Variants in CTNND2 observed in about 807,000 individuals in gnomAD.
The protein encoded by CTNND2 is catenin delta-2.
A neutral mutation model predicts 144.4 loss-of-function variants in CTNND2; 22 were observed. That is an observed-to-expected ratio of 0.15 (90% confidence interval 0.11 to 0.22). The LOEUF (loss-of-function observed/expected upper bound fraction) is 0.22. CTNND2 is among the 10% of genes least tolerant of loss of function. The pLI, the probability that CTNND2 is intolerant of heterozygous loss-of-function variation, is 1.00. For synonymous variants in CTNND2, 751 were observed against 695.6 expected, an observed-to-expected ratio of 1.08 and a Z score of -1.25; for missense variants, 1,353 against 1,618.8, an observed-to-expected ratio of 0.84 and a Z score of 2.82.
intron 3 of CTNND2, among the ~76,000 whole-genome samples, chr5:11,497,519 T>TGGGGGGGGGGGGGGGGGGG (rs1234235644): frequency 7.3e-5 from 1 of 13,746 alleles, no homozygotes. Flanking sequence ...TGCGGGGGGG[T>TGGGGGGGGGGGGGGGGGGG]GGGGGGGGGC....
intron 16 of CTNND2, among the ~76,000 whole-genome samples, chr5:11,074,426 A>C (rs186087949): frequency 7.9e-5 from 12 of 152,302 alleles, no homozygotes; most frequent in Non-Finnish European, 1.6e-4. Context: ...ATTTAGACGG[A>C]CTTTGAGGAA....
chr5:11,655,775 T>C (rs759340848), intron 2 of CTNND2, among the ~76,000 whole-genome samples: 4 of 152,136 alleles, frequency 2.6e-5, no homozygotes, highest in Non-Finnish European at 5.9e-5. Flanking sequence ...CTTTCATACA[T>C]TTCATGTATG....
intron 12 of CTNND2, among the ~76,000 whole-genome samples, chr5:11,144,214 T>C (rs1461167851): frequency 2.0e-5 from 3 of 152,246 alleles, no homozygotes; most frequent in African/African-American, 7.2e-5. Flanking sequence ...TTGTCACCAG[T>C]AAACAGACTA....
intron 2 of CTNND2, among the ~76,000 whole-genome samples, chr5:11,670,422 T>C (rs1783820446): frequency 6.6e-6 from 1 of 152,216 alleles, no homozygotes; most frequent in South Asian, 2.1e-4. Context: ...GCTTTATTAA[T>C]CTGGGTGCTC....
At chr5:11,166,249 CTT>C (rs11400471) in intron 11 of CTNND2, among the ~76,000 whole-genome samples, 21 of 125,802 alleles carry the variant, frequency 1.7e-4, no homozygotes, top group Admixed American at 3.2e-4. Context: ...CAAAAAAGTT[CTT>C]TTTTTTTTTT....
At chr5:11,038,641 C>T (rs1019902555) in intron 16 of CTNND2, among the ~76,000 whole-genome samples, 29 of 152,142 alleles carry the variant, frequency 1.9e-4, no homozygotes, top group Non-Finnish European at 1.0e-4. Context: ...GATGTGAAAC[C>T]TGGAAGAGGT....
intron 9 of CTNND2, among the ~76,000 whole-genome samples, chr5:11,257,595 G>A (rs1442099956): frequency 6.6e-6 from 1 of 152,138 alleles, no homozygotes; most frequent in Admixed American, 6.5e-5. Context: ...CATTATCAAT[G>A]AGAACAGCAT....
intron 11 of CTNND2, among the ~76,000 whole-genome samples, chr5:11,175,805 T>C (rs1186492216): frequency 2.6e-5 from 4 of 152,124 alleles, no homozygotes; most frequent in Non-Finnish European, 4.4e-5. Flanking sequence ...CTGAGGTATA[T>C]TGCCAAAATG....
intron 2 of CTNND2, among the ~76,000 whole-genome samples, chr5:11,571,042 C>T (rs769032313): frequency 3.3e-5 from 5 of 151,986 alleles, no homozygotes; most frequent in Non-Finnish European, 7.4e-5. Context: ...TTTAATTTCT[C>T]GGAGCTAGTT....
intron 1 of CTNND2, among the ~76,000 whole-genome samples, chr5:11,854,859 T>C (rs952576000): frequency 6.6e-6 from 1 of 152,208 alleles, no homozygotes; most frequent in African/African-American, 2.4e-5. Flanking sequence ...TGTTGTTGTT[T>C]TGGTTTTTAA....
intron 16 of CTNND2, among the ~76,000 whole-genome samples, chr5:11,072,510 T>C (rs1412038385): frequency 1.3e-5 from 2 of 152,230 alleles, no homozygotes; most frequent in South Asian, 2.1e-4. Context: ...GTTTCCCAAA[T>C]GGACAGTATA....
At chr5:11,429,674 G>A (rs948584446) in intron 3 of CTNND2, among the ~76,000 whole-genome samples, 4 of 152,138 alleles carry the variant, frequency 2.6e-5, no homozygotes, top group Non-Finnish European at 4.4e-5. Context: ...TCGATACATT[G>A]CTCTAACAAG....
At chr5:11,846,904 C>G (rs1794763429) in intron 1 of CTNND2, among the ~76,000 whole-genome samples, 1 of 151,612 alleles carries the variant, frequency 6.6e-6, no homozygotes, top group Non-Finnish European at 1.5e-5. Flanking sequence ...TATCACCTAA[C>G]CCCAGTTAGA....
intron 1 of CTNND2, among the ~76,000 whole-genome samples, chr5:11,811,164 A>T (rs1260328546): frequency 6.6e-6 from 1 of 152,182 alleles, no homozygotes; most frequent in Non-Finnish European, 1.5e-5. Flanking sequence ...GGCCTGATGG[A>T]ATTGACTGCA....
In CTNND2 at chr5:11,081,814, G is replaced by C. The variant is rs10060126; in HGVS notation, c.2788+882C>G. ...ATAGACAGAGAGCAGATTGATGGTT[G>C]CCAGGGGCTGGAGAAGGGGGATGGA... On this transcript the variant is annotated intron_variant, in intron 16 of 21. Coordinates refer to ENST00000304623, the MANE Select transcript of CTNND2 (RefSeq NM_001332.4). 1.9e-3 allele frequency among the ~76,000 whole-genome samples: 293 copies of C among 152,308 alleles called. 1 individual carries two copies. The highest frequency in any genetic ancestry group is 6.8e-3 in the African/African-American group (282 of 41,566).
chr5:11,221,450 A>T (rs1739782914), intron 10 of CTNND2, among the ~76,000 whole-genome samples: 1 of 152,190 alleles, frequency 6.6e-6, no homozygotes, highest in African/African-American at 2.4e-5. Context: ...GGAACAATAA[A>T]CTTGGAAGAT....
chr5:11,124,898 C>A (rs1383542388), intron 12 of CTNND2, among the ~76,000 whole-genome samples: 1 of 152,196 alleles, frequency 6.6e-6, no homozygotes, highest in African/African-American at 2.4e-5. Context: ...CTAAAAACAT[C>A]TCACCAAAAT....
chr5:11,148,943 G>A (rs1237331340), intron 12 of CTNND2, among the ~76,000 whole-genome samples: 1 of 152,178 alleles, frequency 6.6e-6, no homozygotes, highest in Non-Finnish European at 1.5e-5. Context: ...GAGTGACAGG[G>A]GTCAAGGACA....
chr5:11,126,747 T>C (rs1030883991), intron 12 of CTNND2, among the ~76,000 whole-genome samples: 1 of 152,224 alleles, frequency 6.6e-6, no homozygotes, highest in Admixed American at 6.5e-5. Context: ...GATGAAAATT[T>C]TACTCTTCAT....
Sources: gnomAD v4.1 joint callset for allele counts (sites outside exome capture counted in the v4.1 genomes callset) on GRCh38, gnomAD v4.1.1 for gene constraint, MANE v1.5 for transcripts, NCBI Gene and HGNC (gene_info 2026-07-23, HGNC 2026-07-21) for gene names.